Variants in LTK observed in about 807,000 individuals in gnomAD.
The protein encoded by LTK is leukocyte receptor tyrosine kinase.
LTK carries 117 observed loss-of-function variants against 101.5 expected under a neutral mutation model. The ratio of observed to expected loss-of-function variants is 1.15; its 90% CI spans 0.99 to 1.34. LTK has a LOEUF of 1.34. LTK is among the 40% of genes most tolerant of loss of function. The probability of loss-of-function intolerance (pLI) is 0.00; values close to 1 mark genes in which losing one functional copy is unlikely to be tolerated. For synonymous variants in LTK, 563 were observed against 494.2 expected, an observed-to-expected ratio of 1.14 and a Z score of -1.85; for missense variants, 1,252 against 1,164.7, an observed-to-expected ratio of 1.07 and a Z score of -1.09.
At chr15:41,507,760 A>C in intron 9 of LTK, 103 bp from the exon 10 acceptor site, 1 of 1,268,456 alleles carries the variant, frequency 7.9e-7, no homozygotes, top group South Asian at 1.5e-5. Context: ...TAATTTTTCC[A>C]TGATGCCTTC....
Position 41,508,207 on chromosome 15 carries a change from C to A in LTK, c.1111G>T (p.Gly371Ter), listed in dbSNP as rs141049740. Residue 371 changes from glycine (G) to a stop codon, truncating the protein, a stop_gained, in exon 9 of 20, where the codon GGA (glycine) becomes TGA (stop). Coordinates refer to ENST00000263800, the MANE Select transcript of LTK (RefSeq NM_002344.6). LOFTEE classifies it high-confidence loss of function. ...LQPLAVTENH[G>*]EVEIRRHLNC... ...AGGTGCCTTCGGATCTCTACCTCTC[C>A]GTGGTTCTCGGTGACTGTGAGTAAA... 1 of 1,610,388 alleles carries A rather than the reference C, an allele frequency of 6.2e-7. No individual in the cohort carries two copies. The highest frequency in any genetic ancestry group is 1.3e-5 in the African/African-American group (1 of 74,688).
intron 8 of LTK, 34 bp from the exon 9 acceptor site, chr15:41,508,255 G>A (rs751157812): frequency 1.9e-5 from 30 of 1,585,152 alleles, no homozygotes; most frequent in Admixed American, 5.2e-5. Flanking sequence ...ATATGGTGTG[G>A]TAGGGCTGGG....
rs2051156052 is a variant in LTK, at chr15:41,503,872, C to T, written c.*124G>A. ...GCTGCCAGGCCAGCCCCGAGACAGGCCCAGACACACAGCACAGACTGCAGG... is the reference window on the plus strand; with the variant it reads ...GCTGCCAGGCCAGCCCCGAGACAGGTCCAGACACACAGCACAGACTGCAGG... On this transcript the variant is annotated 3_prime_UTR_variant, in exon 20 of 20. Coordinates refer to ENST00000263800, the MANE Select transcript of LTK (RefSeq NM_002344.6). 8.4e-7 allele frequency: 1 copy of T among 1,185,420 alleles called. No homozygotes were observed. The highest frequency in any genetic ancestry group is 1.2e-6 in the Non-Finnish European group (1 of 863,242). 73.4% of individuals were successfully genotyped at this position (1,185,420 alleles called of 1,614,324 possible).
At chr15:41,512,348 C>T in intron 3 of LTK, 83 bp from the exon 4 acceptor site, 1 of 1,356,026 alleles carries the variant, frequency 7.4e-7, no homozygotes, top group Non-Finnish European at 1.0e-6. Context: ...GAGGAGGCTC[C>T]AGAATTATTT....
At position 41,512,713 on chromosome 15, in the gene LTK, T is replaced by A. The variant is rs974092287; in HGVS notation, c.353A>T (p.Gln118Leu). The change falls in exon 3 of 20, where the codon CAG becomes CTG. Residue 118 changes from glutamine to leucine, a missense_variant. Gln to Leu is a moderately radical substitution (Grantham distance 113). Coordinates refer to ENST00000263800, the MANE Select transcript of LTK (RefSeq NM_002344.6). ...ACCTCCGCCGTGCACTTACAGATAC[T>A]GGCCAGGGCCCGGCACGCGCCACAG... Reference protein sequence around the residue: ...VQLWRVPGPGQYLISAYGAAG... With the variant: ...VQLWRVPGPGLYLISAYGAAG... 1.9e-6 allele frequency: 3 copies of A among 1,584,394 alleles called. No individual in the cohort carries two copies. The highest frequency in any genetic ancestry group is 2.7e-5 in the African/African-American group (2 of 74,124).
chr15:41,511,665 T>G lies in LTK; in HGVS notation c.658-87A>C, dbSNP rs2051467807. 2 of 1,396,314 alleles carry G rather than the reference T, an allele frequency of 1.4e-6. No individual in the cohort carries two copies. The highest frequency in any genetic ancestry group is 1.8e-6 in the Non-Finnish European group (2 of 1,083,788). The allele number at this position is 1,396,314 out of a possible 1,614,324, so 86.5% of individuals were successfully genotyped here. On this transcript the variant is annotated intron_variant, in intron 5 of 19. Transcript: ENST00000263800. The surrounding 1 kb of genome is among the most constrained non-coding windows in gnomAD (Gnocchi z 5.9). ...GGAGAGGGCTCCCGCCCAGGGGGCC[T>G]GGATAAGGGCAGGGGCCCCCAGCCC... is the stretch of plus-strand genomic sequence containing the variant.
chr15:41,512,028 G>C, intron 4 of LTK, 65 bp from the exon 5 acceptor site: 1 of 1,465,634 alleles, frequency 6.8e-7, no homozygotes, highest in South Asian at 1.4e-5. Flanking sequence ...CTGGTGACCC[G>C]GCACCGAGGA....
intron 11 of LTK, among the ~76,000 whole-genome samples, chr15:41,506,391 G>C (rs889764617): frequency 6.6e-6 from 1 of 152,110 alleles, no homozygotes; most frequent in Non-Finnish European, 1.5e-5. Flanking sequence ...TGCAACCTCT[G>C]CCTCTCGGGT....
chr15:41,504,139 G>C lies in LTK; in HGVS notation c.2452C>G (p.Pro818Ala). Reference protein sequence around the residue: ...GNRSLECLRPPQPQELSPEKL... With the variant: ...GNRSLECLRPAQPQELSPEKL... The stretch of plus-strand genomic sequence containing the variant: ...TCTGGACTCAGTTCCTGGGGCTGTG[G>C]GGGTCTTAGGCACTCCAAAGATCTG... The change falls in exon 20 of 20, where the codon CCA becomes GCA. Residue 818 changes from proline (P) to alanine (A), a missense_variant. By Grantham distance (27) the Pro-to-Ala change is conservative (BLOSUM62 -1). Transcript: ENST00000263800. 6.2e-7 allele frequency: 1 copy of C among 1,614,060 alleles called. No homozygotes were observed. The highest frequency in any genetic ancestry group is 8.5e-7 in the Non-Finnish European group (1 of 1,180,008).
chr15:41,507,769 TC>T (rs2051335691), intron 9 of LTK, 112 bp from the exon 10 acceptor site: 1 of 1,182,252 alleles, frequency 8.5e-7, no homozygotes, highest in Non-Finnish European at 1.2e-6. Context: ...CATGATGCCT[TC>T]CCCCATTATC....
rs1286144913 is a variant in LTK at position 41,504,450 on chromosome 15, T to A, written c.2256-18A>T. On this transcript the variant is annotated intron_variant, in intron 18 of 19. Transcript: ENST00000263800. ...TGCGGTACCTGGGGAGAGGCAGGAG[T>A]TCATGCCCACCCATGGTTGTGAAGG... The A allele has an allele frequency of 1.9e-5, 31 of 1,613,516 alleles. No individual in the cohort carries two copies. The highest frequency in any genetic ancestry group is 2.5e-5 in the Non-Finnish European group (29 of 1,179,900).
chr15:41,512,003 C>G lies in LTK; in HGVS notation c.511-40G>C, dbSNP rs573153382. On this transcript the variant is annotated intron_variant, in intron 4 of 19. Coordinates refer to ENST00000263800, the MANE Select transcript of LTK (RefSeq NM_002344.6). ...GGAGGGAATCGGCGGGGCCCGGGAG[C>G]CTCCCCTCGCTGTGCTGGTGACCCG... 4.9e-6 allele frequency: 7 copies of G among 1,438,606 alleles called. No individual in the cohort carries two copies. In the South Asian group the frequency reaches 1.0e-4, roughly 21 times the overall value. 89.1% of individuals were successfully genotyped at this position (1,438,606 alleles called of 1,614,324 possible).
At position 41,512,978 on chromosome 15, in the gene LTK, C is replaced by G. The variant is rs749058331; in HGVS notation, c.186G>C (p.Pro62=). 2.5e-6 allele frequency: 4 copies of G among 1,613,640 alleles called. No homozygotes were observed. Among genetic ancestry groups the G allele is most frequent in the South Asian group, 1.1e-5 (1 of 91,072 alleles). Residue 62 remains proline (P), a splice_region_variant and synonymous_variant, in exon 2 of 20, where the codon CCG becomes CCC. Coordinates refer to ENST00000263800, the MANE Select transcript of LTK (RefSeq NM_002344.6). ...ILEPASPLNS[P]GTEGSWLFST... ...AGGAAGGAGGCGTCTAAAGCTCACC[C>G]GGAGAATTCAGCGGGGAGGCTGGCT... is the stretch of plus-strand genomic sequence containing the variant.
At chr15:41,505,345 A>G (rs376891200) in intron 14 of LTK, 40 bp from the exon 15 acceptor site, 1 of 1,612,182 alleles carries the variant, frequency 6.2e-7, no homozygotes, top group East Asian at 2.2e-5. Context: ...TGTAGGTCTC[A>G]GACACATGGA....
chr15:41,510,163 C>T (rs972072551), intron 7 of LTK, among the ~76,000 whole-genome samples: 1 of 151,766 alleles, frequency 6.6e-6, no homozygotes, highest in Non-Finnish European at 1.5e-5. Flanking sequence ...TATGCCACCA[C>T]GCCCGGCTAA....
At chr15:41,513,342 A>C (rs2051556277) in intron 1 of LTK, among the ~76,000 whole-genome samples, 1 of 152,140 alleles carries the variant, frequency 6.6e-6, no homozygotes. Context: ...CGCCTTTCCC[A>C]GTGAATAACT....
intron 7 of LTK, among the ~76,000 whole-genome samples, chr15:41,509,636 G>A (rs1180487416): frequency 5.9e-5 from 9 of 152,090 alleles, no homozygotes; most frequent in African/African-American, 2.2e-4. Flanking sequence ...CGACATGGGC[G>A]GATTACGAGG....
intron 11 of LTK, among the ~76,000 whole-genome samples, 194 bp from the exon 12 acceptor site, chr15:41,506,199 AAAG>A (rs1403354949): frequency 6.6e-6 from 1 of 152,230 alleles, no homozygotes; most frequent in Non-Finnish European, 1.5e-5. Context: ...CCAGGGCAAA[AAAG>A]AGGGCAGATG....
At chr15:41,507,766 C>T in intron 9 of LTK, 109 bp from the exon 10 acceptor site, 1 of 1,228,138 alleles carries the variant, frequency 8.1e-7, no homozygotes, top group Non-Finnish European at 1.1e-6. Context: ...TTCCATGATG[C>T]CTTCCCCCAT....
Sources: gnomAD v4.1 joint callset for allele counts (sites outside exome capture counted in the v4.1 genomes callset) on GRCh38, gnomAD v4.1.1 for gene constraint, Gnocchi (gnomAD v3.1) non-coding constraint, MANE v1.5 for transcripts, NCBI Gene and HGNC (gene_info 2026-07-23, HGNC 2026-07-21) for gene names.